The following THEMIS variants were observed in gnomAD, a reference collection of about 807,000 sequenced individuals.
THEMIS encodes the protein protein THEMIS.
In THEMIS, 37 loss-of-function variants were observed where a neutral mutation model predicts 52.6. The ratio of observed to expected loss-of-function variants is 0.70; its 90% CI spans 0.54 to 0.93. THEMIS has a LOEUF of 0.93. Ranked by LOEUF, THEMIS falls within the 40% of genes least tolerant of loss-of-function variation. The probability of loss-of-function intolerance (pLI) is 0.00; values close to 1 mark genes in which losing one functional copy is unlikely to be tolerated. For missense variants in THEMIS, 808 were observed against 763.1 expected, an observed-to-expected ratio of 1.06 and a Z score of -0.69; for synonymous variants, 292 against 272.7, an observed-to-expected ratio of 1.07 and a Z score of -0.70.
In THEMIS at chr6:127,708,257, T is replaced by C. The variant is rs1483326161; in HGVS notation, c.*1728A>G. On this transcript the variant is annotated 3_prime_UTR_variant, in exon 6 of 6. Transcript: ENST00000368248. ...AAATCTCCAATAGGTGAGCATGAAG[T>C]TTATTACACTTTTCAATATCAAGAC... The C allele has an allele frequency of 6.6e-6, 1 of 152,074 alleles. No individual in the cohort carries two copies. The highest frequency in any genetic ancestry group is 1.5e-5 in the Non-Finnish European group (1 of 68,002). The allele number at this position is 152,074 out of a possible 1,614,324, so 9.4% of individuals were successfully genotyped here. A position where few individuals can be genotyped will look rare whatever the true frequency, so the allele number is the denominator to read the frequency against.
In THEMIS at chr6:127,750,887, A is replaced by G. The variant is rs549984399; in HGVS notation, c.1759-31064T>C. 3.3e-5 allele frequency among the ~76,000 whole-genome samples: 5 copies of G among 151,852 alleles called. No homozygotes were observed. The East Asian group carries it at 7.7e-4, about 23-fold the overall frequency. Reference sequence around the variant, plus strand: ...ATTTCACCAGGAAAAGCTGCCCTTCAGGAAAAAAAAGAAATACTTTCCCAG... The same window carrying G: ...ATTTCACCAGGAAAAGCTGCCCTTCGGGAAAAAAAAGAAATACTTTCCCAG... On this transcript the variant is annotated intron_variant, in intron 4 of 5. Transcript: ENST00000368248.
At chr6:127,698,509 A>G in the THEMIS span, among the ~76,000 whole-genome samples, 1 of 152,052 alleles carries the variant, frequency 6.6e-6, no homozygotes, top group Non-Finnish European at 1.5e-5. Flanking sequence ...ATATTACACA[A>G]GTCTATAAGG....
intron 5 of THEMIS, among the ~76,000 whole-genome samples, chr6:127,711,514 G>A (rs1773981218): frequency 6.6e-6 from 1 of 151,932 alleles, no homozygotes; most frequent in African/African-American, 2.4e-5. Context: ...TGGTCAGTGG[G>A]TTGATGGTGA....
chr6:127,752,391 T>G (rs1395792661), intron 4 of THEMIS, among the ~76,000 whole-genome samples: 2 of 148,378 alleles, frequency 1.3e-5, no homozygotes, highest in African/African-American at 4.9e-5. Flanking sequence ...AAAATAAAAT[T>G]AGCAAACCTT....
the THEMIS span, among the ~76,000 whole-genome samples, chr6:127,700,481 C>T: frequency 6.6e-6 from 1 of 151,958 alleles, no homozygotes; most frequent in Non-Finnish European, 1.5e-5. Context: ...TCAGATTTTA[C>T]TTTGAATACT....
chr6:127,824,242 G>A (rs890139627), intron 3 of THEMIS, among the ~76,000 whole-genome samples: 4 of 152,146 alleles, frequency 2.6e-5, no homozygotes, highest in Non-Finnish European at 5.9e-5. Context: ...CAGGAGGGAA[G>A]CGTGGAACTG....
intron 4 of THEMIS, among the ~76,000 whole-genome samples, chr6:127,721,328 T>C (rs1353799077): frequency 2.0e-5 from 3 of 152,032 alleles, no homozygotes; most frequent in Non-Finnish European, 2.9e-5. Flanking sequence ...TTATGCAGCA[T>C]TGTATGCTGA....
chr6:127,760,749 C>T (rs1294342301), intron 4 of THEMIS, among the ~76,000 whole-genome samples: 3 of 151,926 alleles, frequency 2.0e-5, no homozygotes, highest in Admixed American at 6.6e-5. Context: ...TGCACTGCAT[C>T]CTGTATAACA....
intron 5 of THEMIS, 106 bp downstream of exon 5, chr6:127,719,582 A>G: frequency 1.9e-6 from 2 of 1,045,724 alleles, no homozygotes; most frequent in Non-Finnish European, 2.7e-6. Context: ...ACTTGGGCTG[A>G]GTCATATATT....
In THEMIS at chr6:127,731,864, A is replaced by ATTTTTTTTTTTTTTTTTTTTTT. The variant is rs58263706; in HGVS notation, c.1759-12063_1759-12042dup. 1.9e-4 allele frequency among the ~76,000 whole-genome samples: 8 copies of ATTTTTTTTTTTTTTTTTTTTTT among 41,716 alleles called. 1 individual carries two copies. The highest frequency in any genetic ancestry group is 4.6e-4 in the Admixed American group (1 of 2,158). The allele number at this position is 41,716 out of a possible 152,430, so 27.4% of individuals were successfully genotyped here. ...AGGTGCATGCCACCATGCCCGGCTA[A>ATTTTTTTTTTTTTTTTTTTTTT]TTTTTTTTTTTTTTTTTTTTTTTAG... On this transcript the variant is annotated intron_variant, in intron 4 of 5. Transcript: ENST00000368248.
intron 3 of THEMIS, among the ~76,000 whole-genome samples, chr6:127,821,722 C>T (rs368904437): frequency 1.1e-3 from 174 of 152,126 alleles, no homozygotes; most frequent in African/African-American, 3.9e-3. Flanking sequence ...GGGGACACCA[C>T]TAAAATTGTC....
At position 127,829,573 on chromosome 6, in the gene THEMIS, A is replaced by C; in HGVS notation, c.612T>G (p.Asp204Glu). ...KNRTRTVNLTDFSNKWDSTNP... is the reference protein window; with the variant it reads ...KNRTRTVNLTEFSNKWDSTNP... The stretch of plus-strand genomic sequence containing the variant: ...TCGTTGAGTCCCACTTATTTGAAAA[A>C]TCTGTAAGGTTTACAGTTCTTGTTC... Residue 204 changes from aspartate (D) to glutamate (E), a missense_variant, in exon 3 of 6, where the codon GAT (aspartate) becomes GAG (glutamate). By Grantham distance (45) the Asp-to-Glu change is conservative. Coordinates refer to ENST00000368248, the MANE Select transcript of THEMIS (RefSeq NM_001010923.3). 1 of 1,614,106 alleles carries C rather than the reference A, an allele frequency of 6.2e-7. No homozygotes were observed. Among genetic ancestry groups the C allele is most frequent in the Non-Finnish European group, 8.5e-7 (1 of 1,179,996 alleles).
chr6:127,719,491 A>G (rs1243416597), intron 5 of THEMIS, among the ~76,000 whole-genome samples, 197 bp downstream of exon 5: 1 of 151,968 alleles, frequency 6.6e-6, no homozygotes, highest in African/African-American at 2.4e-5. Context: ...AACAATAAAC[A>G]TTACTATTAT....
chr6:127,907,918 G>A (rs1413001287), intron 1 of THEMIS, among the ~76,000 whole-genome samples: 4 of 151,668 alleles, frequency 2.6e-5, no homozygotes, highest in Non-Finnish European at 5.9e-5. Context: ...TAGTAAAGAC[G>A]GGGTTTCATT....
intron 1 of THEMIS, among the ~76,000 whole-genome samples, chr6:127,912,822 T>C (rs1429743080): frequency 6.6e-6 from 1 of 152,190 alleles, no homozygotes; most frequent in Non-Finnish European, 1.5e-5. Context: ...TTTGTATACC[T>C]GTTTGTATTT....
intron 1 of THEMIS, among the ~76,000 whole-genome samples, chr6:127,877,640 C>T (rs773719115): frequency 1.8e-4 from 27 of 152,158 alleles, no homozygotes; most frequent in Non-Finnish European, 2.1e-4. Flanking sequence ...ATCTTATATG[C>T]TCACTGTTCG....
At chr6:127,737,546 A>G (rs1775050901) in intron 4 of THEMIS, among the ~76,000 whole-genome samples, 1 of 152,148 alleles carries the variant, frequency 6.6e-6, no homozygotes. Flanking sequence ...TACTTAAAAC[A>G]TTTTCATTTT....
intron 1 of THEMIS, among the ~76,000 whole-genome samples, chr6:127,878,742 T>A (rs945235203): frequency 1.3e-5 from 2 of 152,194 alleles, no homozygotes; most frequent in African/African-American, 4.8e-5. Context: ...AATAGAAATT[T>A]CTGAATATTA....
chr6:127,767,956 G>A (rs765633780), intron 4 of THEMIS, among the ~76,000 whole-genome samples: 1 of 152,126 alleles, frequency 6.6e-6, no homozygotes, highest in Admixed American at 6.6e-5. Flanking sequence ...GGTCCATAGT[G>A]GATCTAAAGT....
Sources: gnomAD v4.1 joint callset for allele counts (sites outside exome capture counted in the v4.1 genomes callset) on GRCh38, gnomAD v4.1.1 for gene constraint, MANE v1.5 for transcripts, NCBI Gene and HGNC (gene_info 2026-07-23, HGNC 2026-07-21) for gene names.